The following ZNF385D variants were observed in gnomAD, a reference collection of about 807,000 sequenced individuals.
ZNF385D encodes the protein zinc finger protein 659.
In ZNF385D, 15 loss-of-function variants were observed where a neutral mutation model predicts 35.8. The ratio of observed to expected loss-of-function variants is 0.42; its 90% CI spans 0.28 to 0.64. The LOEUF is 0.64. Among genes scored for constraint, ZNF385D ranks in the 30% least tolerant of loss-of-function variants. The pLI is 0.23. For synonymous variants in ZNF385D, 212 were observed against 186.8 expected (o/e 1.13, Z -1.10); for missense variants, 474 against 494.6 (o/e 0.96, Z 0.39).
chr3:22,010,879 A>C (rs533718854), intron 3 of ZNF385D, among the ~76,000 whole-genome samples: 4 of 152,242 alleles, frequency 2.6e-5, no homozygotes, highest in African/African-American at 9.6e-5. Flanking sequence ...TTATGTCTGC[A>C]ATTTTTTCTT....
intron 2 of ZNF385D, among the ~76,000 whole-genome samples, chr3:22,366,935 G>A (rs1277282129): frequency 6.6e-6 from 1 of 152,200 alleles, no homozygotes; most frequent in Non-Finnish European, 1.5e-5. Flanking sequence ...ACAGAAGCTG[G>A]AAGAGGCCAG....
At chr3:21,923,349 C>A (rs985398185) in intron 3 of ZNF385D, among the ~76,000 whole-genome samples, 4 of 151,884 alleles carry the variant, frequency 2.6e-5, no homozygotes, top group Non-Finnish European at 5.9e-5. Context: ...ATGAAAAAGT[C>A]AAAAAACAAC....
intron 3 of ZNF385D, among the ~76,000 whole-genome samples, chr3:22,070,518 T>C (rs1011099833): frequency 2.6e-5 from 4 of 152,094 alleles, no homozygotes; most frequent in African/African-American, 4.8e-5. Context: ...GAAAGTGAAA[T>C]AGGTTTCTAT....
intron 2 of ZNF385D, among the ~76,000 whole-genome samples, chr3:21,662,852 C>T (rs1232035197): frequency 6.6e-6 from 1 of 152,204 alleles, no homozygotes; most frequent in East Asian, 1.9e-4. Flanking sequence ...GAAGGGTTTA[C>T]AAGCTGCTTA....
chr3:21,924,414 A>G (rs1247636749), intron 3 of ZNF385D, among the ~76,000 whole-genome samples: 1 of 152,152 alleles, frequency 6.6e-6, no homozygotes, highest in Admixed American at 6.5e-5. Flanking sequence ...CCCTAACAAA[A>G]TCCTGCCCTC....
At position 21,455,671 on chromosome 3, in the gene ZNF385D, C is replaced by T. The variant is rs146283491; in HGVS notation, c.440-18468G>A. ...TAGGCAATACCATTCAGGACATAGG[C>T]ATGGGGGGCAAGGACTTCCTGTCTA... On this transcript the variant is annotated intron_variant, in intron 4 of 7. Transcript: ENST00000281523. Among the ~76,000 whole-genome samples the T allele has an allele frequency of 3.3e-5, 5 of 152,238 alleles. No individual in the cohort carries two copies. The East Asian group carries it at 5.8e-4, about 18-fold the overall frequency.
chr3:21,544,748 T>TCATTTTGGCAAAATAAATAA (rs1422286406), intron 3 of ZNF385D, among the ~76,000 whole-genome samples: 2 of 152,226 alleles, frequency 1.3e-5, no homozygotes, highest in African/African-American at 4.8e-5. Flanking sequence ...TTCTGAGTCA[T>TCATTTTGGCAAAATAAATAA]CATTTTGGCA....
chr3:22,323,047 C>T (rs934500399), intron 2 of ZNF385D, among the ~76,000 whole-genome samples: 11 of 152,084 alleles, frequency 7.2e-5, no homozygotes, highest in African/African-American at 2.4e-4. Context: ...GCAATCTCAA[C>T]CCCCACGGAC....
chr3:21,749,347 C>G (rs1409668458), intron 1 of ZNF385D, among the ~76,000 whole-genome samples: 1 of 152,142 alleles, frequency 6.6e-6, no homozygotes, highest in Non-Finnish European at 1.5e-5. Context: ...TACTTTTAGA[C>G]TCTACTGCTA....
intron 3 of ZNF385D, among the ~76,000 whole-genome samples, chr3:21,948,087 A>G (rs564537363): frequency 6.6e-6 from 1 of 152,066 alleles, no homozygotes; most frequent in Non-Finnish European, 1.5e-5. Flanking sequence ...ATTAATGTAC[A>G]TCTTTTTTTC....
intron 3 of ZNF385D, among the ~76,000 whole-genome samples, chr3:21,831,566 T>A (rs1171883064): frequency 6.6e-6 from 1 of 152,204 alleles, no homozygotes; most frequent in Non-Finnish European, 1.5e-5. Context: ...ACTTAGCTTC[T>A]CATTCATTCA....
intron 3 of ZNF385D, among the ~76,000 whole-genome samples, chr3:22,043,658 GC>G (rs1377516459): frequency 6.6e-6 from 1 of 152,072 alleles, no homozygotes; most frequent in Non-Finnish European, 1.5e-5. Context: ...CTTCCGAGAT[GC>G]CCCACCAGTG....
chr3:21,724,660 C>A (rs938965102), intron 1 of ZNF385D, among the ~76,000 whole-genome samples: 1 of 151,946 alleles, frequency 6.6e-6, no homozygotes, highest in Non-Finnish European at 1.5e-5. Flanking sequence ...GCACCCAGGA[C>A]AGGAGCACCC....
chr3:21,869,188 C>A (rs929386446), intron 3 of ZNF385D, among the ~76,000 whole-genome samples: 1 of 152,070 alleles, frequency 6.6e-6, no homozygotes, highest in African/African-American at 2.4e-5. Flanking sequence ...ATCATTTTAT[C>A]ATTTCATTTA....
chr3:22,339,243 C>T (rs1484942908), intron 2 of ZNF385D, among the ~76,000 whole-genome samples: 1 of 152,096 alleles, frequency 6.6e-6, no homozygotes, highest in Non-Finnish European at 1.5e-5. Flanking sequence ...AGCTTGCCAC[C>T]ATGAAACAAT....
intron 3 of ZNF385D, among the ~76,000 whole-genome samples, chr3:21,926,482 G>A (rs1438069029): frequency 2.0e-5 from 3 of 152,084 alleles, no homozygotes; most frequent in Non-Finnish European, 2.9e-5. Flanking sequence ...TTTTATGGCT[G>A]CATAGTATTC....
chr3:21,597,405 G>A (rs2064157248), intron 2 of ZNF385D, among the ~76,000 whole-genome samples: 1 of 152,022 alleles, frequency 6.6e-6, no homozygotes, highest in Non-Finnish European at 1.5e-5. Context: ...AATGAGCCAT[G>A]ATCTCTACTT....
intron 1 of ZNF385D, among the ~76,000 whole-genome samples, chr3:21,674,405 G>A (rs1222012159): frequency 6.6e-6 from 1 of 152,074 alleles, no homozygotes; most frequent in African/African-American, 2.4e-5. Flanking sequence ...AAATAAGCCT[G>A]ATAGGCATAG....
intron 2 of ZNF385D, among the ~76,000 whole-genome samples, chr3:21,580,134 A>G (rs2063611136): frequency 6.6e-6 from 1 of 152,118 alleles, no homozygotes; most frequent in South Asian, 2.1e-4. Flanking sequence ...AATAATTACA[A>G]TTAGTTTTTC....
Sources: gnomAD v4.1 joint callset for allele counts (sites outside exome capture counted in the v4.1 genomes callset) on GRCh38, gnomAD v4.1.1 for gene constraint, MANE v1.5 for transcripts, NCBI Gene and HGNC (gene_info 2026-07-23, HGNC 2026-07-21) for gene names.